The following SCHIP1 variants were observed in gnomAD, a reference collection of about 807,000 sequenced individuals.
SCHIP1 encodes schwannomin-interacting protein 1.
Under a neutral mutation model 29.7 loss-of-function variants are expected in SCHIP1, and 8 were observed. The ratio of observed to expected loss-of-function variants is 0.27; its 90% CI spans 0.16 to 0.49. SCHIP1 has a LOEUF of 0.49. SCHIP1 is among the 20% of genes least tolerant of loss of function. The pLI, the probability that SCHIP1 is intolerant of heterozygous loss-of-function variation, is 0.99. For missense variants in SCHIP1, 193 were observed against 294.6 expected, an observed-to-expected ratio of 0.66 and a Z score of 2.52; for synonymous variants, 76 against 94.9, an observed-to-expected ratio of 0.80 and a Z score of 1.16.
chr3:159,399,371 T>C, the SCHIP1 span, among the ~76,000 whole-genome samples: 2 of 152,178 alleles, frequency 1.3e-5, no homozygotes, highest in South Asian at 2.1e-4. Context: ...TTATTGCTTA[T>C]TATGTCTCTC....
the SCHIP1 span, among the ~76,000 whole-genome samples, chr3:159,470,852 T>G: frequency 6.6e-6 from 1 of 152,102 alleles, no homozygotes. Flanking sequence ...TGAATTTCAA[T>G]TCATATCTTC....
At chr3:159,487,352 G>A in the SCHIP1 span, among the ~76,000 whole-genome samples, 1 of 152,050 alleles carries the variant, frequency 6.6e-6, no homozygotes, top group Non-Finnish European at 1.5e-5. Context: ...TGTATCCCAT[G>A]GTTTACGGCT....
chr3:159,489,513 A>G, the SCHIP1 span, among the ~76,000 whole-genome samples: 1 of 152,218 alleles, frequency 6.6e-6, no homozygotes, highest in Admixed American at 6.5e-5. Context: ...AGTGTAAATA[A>G]CTGATAAAAC....
At chr3:159,606,772 G>A in the SCHIP1 span, among the ~76,000 whole-genome samples, 1 of 152,120 alleles carries the variant, frequency 6.6e-6, no homozygotes, top group Non-Finnish European at 1.5e-5. Flanking sequence ...CCCAGGGTAG[G>A]GAAGGAACAG....
At chr3:159,346,064 T>C in the SCHIP1 span, among the ~76,000 whole-genome samples, 2 of 151,666 alleles carry the variant, frequency 1.3e-5, no homozygotes, top group African/African-American at 2.4e-5. Context: ...CATGGTGGCA[T>C]GCACCTGTAG....
At chr3:159,812,966 G>GT in the SCHIP1 span, among the ~76,000 whole-genome samples, 1 of 152,334 alleles carries the variant, frequency 6.6e-6, no homozygotes, top group Middle Eastern at 3.4e-3. Flanking sequence ...GAAAGCAGGA[G>GT]TGTGCAGAAA....
At chr3:159,335,119 C>A in the SCHIP1 span, among the ~76,000 whole-genome samples, 12 of 151,866 alleles carry the variant, frequency 7.9e-5, no homozygotes, top group African/African-American at 2.9e-4. Context: ...AGGCTGGTCT[C>A]GAACTCCTGA....
At chr3:159,314,822 C>G in the SCHIP1 span, among the ~76,000 whole-genome samples, 21 of 152,098 alleles carry the variant, frequency 1.4e-4, no homozygotes, top group Admixed American at 7.9e-4. Context: ...TACTTGGATC[C>G]CAATGGCTTA....
chr3:159,720,524 C>T, the SCHIP1 span, among the ~76,000 whole-genome samples: 1 of 152,014 alleles, frequency 6.6e-6, no homozygotes, highest in African/African-American at 2.4e-5. Context: ...ATAAGACCTT[C>T]GTTCCCCTAG....
At chr3:159,379,371 G>A in the SCHIP1 span, among the ~76,000 whole-genome samples, 6 of 151,910 alleles carry the variant, frequency 3.9e-5, no homozygotes, top group African/African-American at 9.7e-5. Context: ...ACAGGCACCC[G>A]CCACGATGCC....
At chr3:159,701,276 T>A in the SCHIP1 span, among the ~76,000 whole-genome samples, 6 of 152,202 alleles carry the variant, frequency 3.9e-5, no homozygotes, top group African/African-American at 1.4e-4. Flanking sequence ...TTTTTATGGT[T>A]AATAAACTTT....
chr3:159,364,039 T>A, the SCHIP1 span, among the ~76,000 whole-genome samples: 1 of 152,212 alleles, frequency 6.6e-6, no homozygotes, highest in Non-Finnish European at 1.5e-5. Flanking sequence ...GCACTTCTGG[T>A]TTTTCATGTT....
chr3:159,719,934 G>T, the SCHIP1 span, among the ~76,000 whole-genome samples: 1 of 152,196 alleles, frequency 6.6e-6, no homozygotes, highest in African/African-American at 2.4e-5. Context: ...ACATGCACAC[G>T]TATGTTTATT....
chr3:159,705,609 G>A, the SCHIP1 span, among the ~76,000 whole-genome samples: 1 of 152,192 alleles, frequency 6.6e-6, no homozygotes, highest in African/African-American at 2.4e-5. Flanking sequence ...AGGTTTGGTG[G>A]AGGTGAAGAT....
the SCHIP1 span, among the ~76,000 whole-genome samples, chr3:159,747,261 C>G: frequency 1.3e-5 from 2 of 152,176 alleles, no homozygotes; most frequent in African/African-American, 4.8e-5. Flanking sequence ...CTCCTCCAGT[C>G]TTTTCCTCTA....
chr3:159,545,949 A>G, the SCHIP1 span, among the ~76,000 whole-genome samples: 1 of 151,746 alleles, frequency 6.6e-6, no homozygotes, highest in Admixed American at 6.6e-5. Context: ...TTTCAAAAAT[A>G]TTTTGAATTT....
chr3:159,759,451 A>G, the SCHIP1 span, among the ~76,000 whole-genome samples: 1 of 152,266 alleles, frequency 6.6e-6, no homozygotes, highest in Admixed American at 6.5e-5. Context: ...CATTGTTTCT[A>G]GAATGAAATC....
the SCHIP1 span, among the ~76,000 whole-genome samples, chr3:159,335,182 C>T: frequency 1.3e-5 from 2 of 152,028 alleles, no homozygotes; most frequent in Non-Finnish European, 2.9e-5. Context: ...TTCTAAATAA[C>T]TAAGTTATTT....
At chr3:159,442,108 G>T in the SCHIP1 span, among the ~76,000 whole-genome samples, 1 of 152,198 alleles carries the variant, frequency 6.6e-6, no homozygotes, top group Non-Finnish European at 1.5e-5. Context: ...GTGAAAATGG[G>T]AGAACTGGCA....
Sources: allele counts gnomAD v4.1 joint callset (sites outside exome capture counted in the v4.1 genomes callset), GRCh38; gene constraint gnomAD v4.1.1; transcripts MANE v1.5; gene names NCBI Gene and HGNC (gene_info 2026-07-23, HGNC 2026-07-21).